The following RUBCN variants were observed in gnomAD, a reference collection of about 807,000 sequenced individuals.
The protein encoded by RUBCN is run domain Beclin-1-interacting and cysteine-rich domain-containing protein.
Under a neutral mutation model 113.2 loss-of-function variants are expected in RUBCN, and 74 were observed. That is an observed-to-expected ratio of 0.65 (90% CI 0.54 to 0.79). The LOEUF (loss-of-function observed/expected upper bound fraction) is 0.79. Among genes scored for constraint, RUBCN ranks in the 30% least tolerant of loss-of-function variants. The pLI is 0.00. For synonymous variants in RUBCN, 480 were observed against 490.0 expected (o/e 0.98, Z 0.27); for missense variants, 1,109 against 1,251.7 (o/e 0.89, Z 1.72).
chr3:197,719,003 T>C (rs1725844519), intron 1 of RUBCN, among the ~76,000 whole-genome samples: 1 of 152,220 alleles, frequency 6.6e-6, no homozygotes, highest in East Asian at 1.9e-4. Flanking sequence ...TGACTCTGCA[T>C]ATCCTATGCC....
At chr3:197,733,163 C>A (rs1184309896) in intron 1 of RUBCN, among the ~76,000 whole-genome samples, 1 of 152,144 alleles carries the variant, frequency 6.6e-6, no homozygotes, top group African/African-American at 2.4e-5. Flanking sequence ...TGAAAAGTTT[C>A]ATCCTTCATT....
chr3:197,691,122 G>C (rs1372123819), intron 11 of RUBCN: 1 of 1,289,154 alleles, frequency 7.8e-7, no homozygotes, highest in East Asian at 5.5e-5. Context: ...TTTGATATGT[G>C]AGTCAGGTTA....
chr3:197,720,696 C>T (rs1445851514), intron 1 of RUBCN, among the ~76,000 whole-genome samples: 2 of 152,044 alleles, frequency 1.3e-5, no homozygotes, highest in African/African-American at 4.8e-5. Context: ...AGTGAGCCAC[C>T]GCGCCTGGCT....
chr3:197,728,855 C>G (rs935943187), intron 1 of RUBCN, among the ~76,000 whole-genome samples: 1 of 152,052 alleles, frequency 6.6e-6, no homozygotes, highest in African/African-American at 2.4e-5. Context: ...GCTCTCCAGG[C>G]AAAGAGGGAG....
At chr3:197,742,990 C>G (rs7632674) in intron 1 of RUBCN, among the ~76,000 whole-genome samples, 6,406 of 152,304 alleles carry the variant, frequency 0.042, 488 homozygotes, top group African/African-American at 0.15. Context: ...AGGGCAAGGC[C>G]TAATAAGCTG....
At chr3:197,703,397 CAAAAA>C (rs1165064210) in intron 5 of RUBCN, 146 bp downstream of exon 5, 1,275 of 154,288 alleles carry the variant, frequency 8.3e-3, no homozygotes, top group African/African-American at 0.016. Flanking sequence ...GACTCTGTCT[CAAAAA>C]AAAAAAAAAA....
At position 197,675,545 on chromosome 3, in the gene RUBCN, G is replaced by A. The variant is rs115753662; in HGVS notation, c.2647-30C>T. On this transcript the variant is annotated intron_variant, in intron 18 of 19. Transcript: ENST00000296343. The surrounding 1 kb of genome is among the most constrained non-coding windows in gnomAD (Gnocchi z 4.4). ...GGAGGAAAAACACAGATGGCAAAAT[G>A]AGGAGCGGCACATCAGGAACTGGCA... is the stretch of plus-strand genomic sequence containing the variant. 1.4e-4 allele frequency: 218 copies of A among 1,548,874 alleles called. No individual in the cohort carries two copies. The African/African-American group carries it at 2.6e-3, about 19-fold the overall frequency.
At chr3:197,712,531 A>C (rs1022452501) in intron 2 of RUBCN, among the ~76,000 whole-genome samples, 7 of 152,168 alleles carry the variant, frequency 4.6e-5, no homozygotes, top group African/African-American at 1.7e-4. Flanking sequence ...TGAAAGCGAA[A>C]AACAAGTTCT....
Position 197,683,421 on chromosome 3 carries a change from G to A in RUBCN, c.1866C>T (p.His622=), listed in dbSNP as rs1721486677. Residue 622 remains histidine (H), a synonymous_variant, in exon 13 of 20, where the codon CAC becomes CAT. Transcript: ENST00000296343. The surrounding 1 kb of genome is among the most constrained non-coding windows in gnomAD (Gnocchi z 4.6). ...SSQSFSHCFL[H]STSAEAVAMG... is the part of the protein sequence containing the mutation. ...TGGCCACCGCCTCAGCAGACGTGGAGTGCAGGAAGCAGTGGGAGCTGGAAA... is the reference window on the plus strand; with the variant it reads ...TGGCCACCGCCTCAGCAGACGTGGAATGCAGGAAGCAGTGGGAGCTGGAAA... 6.2e-7 allele frequency: 1 copy of A among 1,614,144 alleles called. No homozygotes were observed. The highest frequency in any genetic ancestry group is 8.5e-7 in the Non-Finnish European group (1 of 1,180,026).
upstream of RUBCN, chr3:197,749,758 C>T (rs1728929079): frequency 1.7e-6 from 1 of 577,082 alleles, no homozygotes; most frequent in Non-Finnish European, 3.2e-6. Context: ...TCCGATCCTG[C>T]GAGGGCCGCT....
At chr3:197,699,393 C>T (rs370943385) in intron 7 of RUBCN, among the ~76,000 whole-genome samples, 3 of 152,346 alleles carry the variant, frequency 2.0e-5, no homozygotes, top group East Asian at 1.9e-4. Context: ...AGAAGCTGTG[C>T]GTGACCCATA....
At position 197,676,882 on chromosome 3, in the gene RUBCN, C is replaced by G; in HGVS notation, c.2646+3G>C. On this transcript the variant is annotated splice_donor_region_variant and intron_variant, in intron 18 of 19. Coordinates refer to ENST00000296343, the MANE Select transcript of RUBCN (RefSeq NM_014687.4). ...GCTGCATGCTACAGTGAGACTTTCT[C>G]ACCATGCATCTCTCCACATGGGTAG... 6.2e-7 allele frequency: 1 copy of G among 1,614,204 alleles called. No homozygotes were observed. The highest frequency in any genetic ancestry group is 8.5e-7 in the Non-Finnish European group (1 of 1,180,032).
intron 9 of RUBCN, 33 bp from the exon 10 acceptor site, chr3:197,694,618 G>T: frequency 6.4e-7 from 1 of 1,567,452 alleles, no homozygotes; most frequent in Non-Finnish European, 8.8e-7. Context: ...CAGGCAAAGG[G>T]TTAGAAGTAT....
chr3:197,698,863 T>TA (rs1560430770), intron 7 of RUBCN, among the ~76,000 whole-genome samples: 1 of 148,786 alleles, frequency 6.7e-6, no homozygotes, highest in Non-Finnish European at 1.5e-5. Context: ...AAAAAAAATT[T>TA]AAAAAAAGAA....
Position 197,675,062 on chromosome 3 carries a change from C to A in RUBCN, c.2875G>T (p.Ala959Ser). 1.2e-6 allele frequency: 2 copies of A among 1,613,238 alleles called. No homozygotes were observed. The highest frequency in any genetic ancestry group is 8.5e-7 in the Non-Finnish European group (1 of 1,179,932). Residue 959 changes from alanine (A) to serine (S), a missense_variant, in exon 20 of 20, where the codon GCG becomes TCG. Transcript: ENST00000296343. The surrounding 1 kb of genome is among the most constrained non-coding windows in gnomAD (Gnocchi z 4.4). The part of the protein sequence containing the change: ...SYLSDYEEEP[A>S]EALALEAAVL... Reference sequence around the variant, plus strand: ...GCGGCTTCCAGGGCCAGCGCTTCCGCGGGCTCCTCCTCGTAGTCTGACAGG... The same window carrying A: ...GCGGCTTCCAGGGCCAGCGCTTCCGAGGGCTCCTCCTCGTAGTCTGACAGG...
intron 2 of RUBCN, among the ~76,000 whole-genome samples, chr3:197,705,739 CTTTT>C: frequency 6.6e-6 from 1 of 151,662 alleles, no homozygotes; most frequent in Non-Finnish European, 1.5e-5. Flanking sequence ...TTTTCTTTTT[CTTTT>C]TGTTTGAGAC....
chr3:197,687,272 GA>G (rs1428530282), intron 11 of RUBCN, among the ~76,000 whole-genome samples: 1 of 152,040 alleles, frequency 6.6e-6, no homozygotes. Flanking sequence ...TTATAAAGAG[GA>G]AAAAAAGTAA....
rs1056796713 is a variant in RUBCN at position 197,709,911 on chromosome 3, G to A, written c.220-4736C>T. On this transcript the variant is annotated intron_variant, in intron 2 of 19. Coordinates refer to ENST00000296343, the MANE Select transcript of RUBCN (RefSeq NM_014687.4). ...AGGCTGGGTGTGGTGGCGCACACCC[G>A]TTTAATCCCAGCATTTTGGGAGGCA... Among the ~76,000 whole-genome samples the A allele has an allele frequency of 1.3e-4, 20 of 151,572 alleles. No individual in the cohort carries two copies. The East Asian group carries it at 2.9e-3, about 22-fold the overall frequency.
intron 7 of RUBCN, among the ~76,000 whole-genome samples, chr3:197,697,407 T>C (rs928305186): frequency 6.6e-6 from 1 of 152,224 alleles, no homozygotes; most frequent in Non-Finnish European, 1.5e-5. Context: ...TTTAGAAAAG[T>C]CTTTAGATGG....
Sources: allele counts gnomAD v4.1 joint callset (sites outside exome capture counted in the v4.1 genomes callset), GRCh38; gene constraint gnomAD v4.1.1; non-coding constraint Gnocchi (gnomAD v3.1); transcripts MANE v1.5; gene names NCBI Gene and HGNC (gene_info 2026-07-23, HGNC 2026-07-21).